The following DAB1 variants were observed in gnomAD, a reference collection of about 807,000 sequenced individuals.
The protein encoded by DAB1 is disabled homolog 1.
DAB1 carries 15 observed loss-of-function variants against 64.6 expected under a neutral mutation model. The observed-to-expected ratio is 0.23, with a 90% CI of 0.16 to 0.36. The LOEUF is 0.36. Ranked by LOEUF, DAB1 falls within the 10% of genes least tolerant of loss-of-function variation. The pLI, the probability that DAB1 is intolerant of heterozygous loss-of-function variation, is 1.00. For synonymous variants in DAB1, 235 were observed against 251.9 expected (o/e 0.93, Z 0.64); for missense variants, 596 against 706.7 (o/e 0.84, Z 1.78).
chr1:58,167,665 T>C (rs746600964), intron 4 of DAB1, among the ~76,000 whole-genome samples: 4 of 152,208 alleles, frequency 2.6e-5, no homozygotes, highest in East Asian at 1.9e-4. Flanking sequence ...TCCGCATTAC[T>C]TTTATGAGCT....
chr1:57,110,345 C>A (rs1655543308), intron 4 of DAB1, among the ~76,000 whole-genome samples: 2 of 152,174 alleles, frequency 1.3e-5, no homozygotes, highest in Admixed American at 1.3e-4. Flanking sequence ...CTTCCATGTT[C>A]AATGCTGTTC....
intron 4 of DAB1, among the ~76,000 whole-genome samples, chr1:58,266,235 C>T (rs1204098290): frequency 6.6e-6 from 1 of 152,164 alleles, no homozygotes; most frequent in African/African-American, 2.4e-5. Flanking sequence ...AGCATCCTAC[C>T]TTCTTTGCAG....
chr1:57,786,316 G>A (rs10889072), intron 6 of DAB1, among the ~76,000 whole-genome samples: 1 of 151,766 alleles, frequency 6.6e-6, no homozygotes, highest in Non-Finnish European at 1.5e-5. Flanking sequence ...TCTAAGGTAT[G>A]CCTGTATATG....
chr1:57,290,936 A>T, intron 2 of DAB1, 28 bp downstream of exon 2: 1 of 1,553,968 alleles, frequency 6.4e-7, no homozygotes, highest in Non-Finnish European at 8.9e-7. Flanking sequence ...AAAAGTAGCC[A>T]TTAAAAAAAG....
intron 1 of DAB1, among the ~76,000 whole-genome samples, chr1:57,411,663 T>A (rs550427440): frequency 8.5e-5 from 13 of 152,344 alleles, no homozygotes; most frequent in Admixed American, 2.6e-4. Context: ...GACTAGCGGC[T>A]ACCCTGGTCG....
At chr1:57,376,712 G>C (rs1344245980) in intron 1 of DAB1, among the ~76,000 whole-genome samples, 2 of 152,194 alleles carry the variant, frequency 1.3e-5, no homozygotes, top group Non-Finnish European at 2.9e-5. Flanking sequence ...TGTTTCATGA[G>C]TGACTGGATG....
In DAB1 at chr1:57,515,211, A is replaced by G. The variant is rs897738587; in HGVS notation, n.625+134381T>C. Among the ~76,000 whole-genome samples, 12 of 152,248 alleles carry G rather than the reference A, an allele frequency of 7.9e-5. No individual in the cohort carries two copies. In the East Asian group the frequency reaches 2.3e-3, roughly 29 times the overall value. ...CCTTGTTAGTCCTGGGTTAAAAATC[A>G]AGCCCTGTAGCAATATGTGCAGACA... On this transcript the variant is annotated intron_variant and non_coding_transcript_variant, in intron 7 of 20. Coordinates refer to the DAB1 transcript ENST00000485760.
Position 57,829,219 on chromosome 1 carries a change from C to A in DAB1, n.88-2764G>T, listed in dbSNP as rs560551401. ...AAAAATTTAAAAGTGAATTATGAGA[C>A]AGTATCTGATTATTAACTAACAATT... On this transcript the variant is annotated intron_variant and non_coding_transcript_variant, in intron 1 of 1. Transcript: ENST00000477280. 2.0e-5 allele frequency among the ~76,000 whole-genome samples: 3 copies of A among 152,220 alleles called. No individual in the cohort carries two copies. In the South Asian group the frequency reaches 6.2e-4, roughly 32 times the overall value.
chr1:58,195,734 C>T (rs143552738), intron 4 of DAB1, among the ~76,000 whole-genome samples: 39 of 152,258 alleles, frequency 2.6e-4, no homozygotes, highest in African/African-American at 8.4e-4. Flanking sequence ...CTATAAAGTG[C>T]AACACATATG....
At chr1:58,077,685 C>T (rs1649740265) in intron 5 of DAB1, among the ~76,000 whole-genome samples, 2 of 152,310 alleles carry the variant, frequency 1.3e-5, no homozygotes, top group Non-Finnish European at 2.9e-5. Context: ...ACAAAGTACC[C>T]CACTATTCCT....
At chr1:57,765,347 G>T (rs1649263250) in intron 6 of DAB1, among the ~76,000 whole-genome samples, 1 of 152,142 alleles carries the variant, frequency 6.6e-6, no homozygotes, top group South Asian at 2.1e-4. Flanking sequence ...CCTGGAGCAA[G>T]ATCTGTGACT....
chr1:57,106,282 G>A (rs1655148881), intron 4 of DAB1, among the ~76,000 whole-genome samples: 1 of 132,664 alleles, frequency 7.5e-6, no homozygotes, highest in Admixed American at 7.8e-5. Context: ...TATTATCTCT[G>A]CATTGAATGT....
At chr1:57,301,987 G>A (rs976067768) in intron 1 of DAB1, among the ~76,000 whole-genome samples, 5 of 152,014 alleles carry the variant, frequency 3.3e-5, no homozygotes, top group African/African-American at 9.7e-5. Context: ...TTTTCTTCTC[G>A]CTCTCCTCAA....
At chr1:56,998,324 C>G (rs1404382603) in intron 14 of DAB1, among the ~76,000 whole-genome samples, 196 bp from the exon 15 acceptor site, 1 of 152,172 alleles carries the variant, frequency 6.6e-6, no homozygotes, top group Non-Finnish European at 1.5e-5. Flanking sequence ...TAGCTATGCA[C>G]TCAGTTCTGT....
At chr1:57,695,299 GGAA>G (rs1557427652) in intron 6 of DAB1, among the ~76,000 whole-genome samples, 1,897 of 37,148 alleles carry the variant, frequency 0.051, 251 homozygotes, top group African/African-American at 0.12. Context: ...GGAGAGAGAA[GGAA>G]AGAAAGAAAG....
At chr1:57,995,092 C>A (rs1025384328) in intron 5 of DAB1, among the ~76,000 whole-genome samples, 1 of 152,094 alleles carries the variant, frequency 6.6e-6, no homozygotes, top group Non-Finnish European at 1.5e-5. Context: ...CCTCTCTGGG[C>A]CTCAGTTTCC....
rs1254768741 is a variant in DAB1 at position 57,029,023 on chromosome 1, C to A, written c.724-2980G>T. Among the ~76,000 whole-genome samples the A allele has an allele frequency of 2.0e-5, 3 of 152,176 alleles. No homozygotes were observed. In the East Asian group the frequency reaches 5.8e-4, roughly 29 times the overall value. On this transcript the variant is annotated intron_variant, in intron 9 of 14. Coordinates refer to ENST00000371236, the MANE Select transcript of DAB1 (RefSeq NM_001365792.1). ...TCCCACAATCATGGGGAAAATGTCT[C>A]CAGGCCATGTCAGAGACCTTCATGG... is the stretch of plus-strand genomic sequence containing the variant.
intron 9 of DAB1, among the ~76,000 whole-genome samples, chr1:57,054,700 G>A (rs188852615): frequency 2.0e-5 from 3 of 152,112 alleles, no homozygotes; most frequent in Non-Finnish European, 4.4e-5. Flanking sequence ...GGATGGTCTC[G>A]ATCTCCTGAC....
At chr1:58,469,382 G>A (rs574938063) in intron 3 of DAB1, among the ~76,000 whole-genome samples, 1 of 151,488 alleles carries the variant, frequency 6.6e-6, no homozygotes, top group African/African-American at 2.4e-5. Context: ...ATAGAGTCTG[G>A]CACCAACAGT....
Sources: allele counts gnomAD v4.1 joint callset (sites outside exome capture counted in the v4.1 genomes callset), GRCh38; gene constraint gnomAD v4.1.1; transcripts MANE v1.5; gene names NCBI Gene and HGNC (gene_info 2026-07-23, HGNC 2026-07-21).